Variants in ST3GAL3 observed in about 807,000 individuals in gnomAD.
ST3GAL3 encodes CMP-N-acetylneuraminate-beta-1,4-galactoside alpha-2,3-sialyltransferase.
Under a neutral mutation model 50.1 loss-of-function variants are expected in ST3GAL3, and 21 were observed. The ratio of observed to expected loss-of-function variants is 0.42; its 90% CI spans 0.30 to 0.60. ST3GAL3 has a LOEUF of 0.60. ST3GAL3 is among the 20% of genes least tolerant of loss of function. The pLI is 0.19. For synonymous variants in ST3GAL3, 183 were observed against 190.0 expected (o/e 0.96, Z 0.30); for missense variants, 353 against 489.4 (o/e 0.72, Z 2.63).
intron 2 of ST3GAL3, among the ~76,000 whole-genome samples, chr1:43,767,443 G>A (rs1323049883): frequency 6.6e-6 from 1 of 152,028 alleles, no homozygotes; most frequent in Non-Finnish European, 1.5e-5. Context: ...ACTTCATCAG[G>A]TAAATGAAGG....
At chr1:43,796,496 C>A (rs1444163313) in intron 3 of ST3GAL3, among the ~76,000 whole-genome samples, 1 of 152,128 alleles carries the variant, frequency 6.6e-6, no homozygotes, top group African/African-American at 2.4e-5. Flanking sequence ...TGCCCAAGTC[C>A]CAGACTGGAT....
intron 2 of ST3GAL3, among the ~76,000 whole-genome samples, chr1:43,776,246 C>T (rs1001318857): frequency 6.6e-6 from 1 of 152,306 alleles, no homozygotes; most frequent in East Asian, 1.9e-4. Flanking sequence ...AGGGCAACCA[C>T]TGATCTGCTT....
intron 4 of ST3GAL3, among the ~76,000 whole-genome samples, chr1:43,833,116 AACTAGACTG>A (rs1472584992): frequency 5.3e-5 from 8 of 152,188 alleles, no homozygotes; most frequent in African/African-American, 1.9e-4. Context: ...TGGTTCTAGA[AACTAGACTG>A]ATGGTTACAC....
chr1:43,744,652 CAAAA>C (rs1553270635), intron 2 of ST3GAL3, among the ~76,000 whole-genome samples: 103 of 44,248 alleles, frequency 2.3e-3, no homozygotes, highest in Non-Finnish European at 5.8e-3. Flanking sequence ...GACTCCCTCT[CAAAA>C]AATAAATAAA....
chr1:43,711,319 G>T (rs1445659801), intron 1 of ST3GAL3, among the ~76,000 whole-genome samples: 2 of 152,236 alleles, frequency 1.3e-5, no homozygotes, highest in Non-Finnish European at 2.9e-5. Context: ...TAAATGAAAA[G>T]ATAGTGGTCA....
At chr1:43,777,519 A>AATGGGGAATGATGCTGGGAGAACTGGC (rs1194080672) in intron 2 of ST3GAL3, among the ~76,000 whole-genome samples, 2 of 152,156 alleles carry the variant, frequency 1.3e-5, no homozygotes, top group Non-Finnish European at 2.9e-5. Flanking sequence ...CAAAACAAGC[A>AATGGGGAATGATGCTGGGAGAACTGGC]ATGGGGAATG....
chr1:43,918,841 T>G (rs7515061), intron 9 of ST3GAL3, among the ~76,000 whole-genome samples: 7,616 of 152,024 alleles, frequency 0.05, 617 homozygotes, highest in African/African-American at 0.17. Context: ...TCTTTCCTAT[T>G]TTTTAAGTCA....
At chr1:43,758,162 A>AC (rs747611095) in intron 2 of ST3GAL3, among the ~76,000 whole-genome samples, 2,922 of 87,256 alleles carry the variant, frequency 0.033, 68 homozygotes, top group East Asian at 0.24. Flanking sequence ...GCTGCATACC[A>AC]CCCCCCCCCC....
chr1:43,738,747 C>T (rs1289436135), intron 2 of ST3GAL3: 1 of 152,202 alleles, frequency 6.6e-6, no homozygotes, highest in Non-Finnish European at 1.5e-5. Context: ...GTCTGCTTGC[C>T]TTGGCTTCCC....
intron 2 of ST3GAL3, among the ~76,000 whole-genome samples, chr1:43,790,178 C>T (rs971952051): frequency 6.6e-6 from 1 of 152,186 alleles, no homozygotes; most frequent in Non-Finnish European, 1.5e-5. Context: ...ATTCATTTTT[C>T]TGTACATTGT....
intron 2 of ST3GAL3, among the ~76,000 whole-genome samples, chr1:43,780,545 C>G (rs979031624): frequency 6.6e-6 from 1 of 152,048 alleles, no homozygotes; most frequent in Non-Finnish European, 1.5e-5. Context: ...CTCCCATATT[C>G]AGAAGGCATG....
At chr1:43,801,943 C>T (rs764196963) in intron 3 of ST3GAL3, among the ~76,000 whole-genome samples, 18 of 152,008 alleles carry the variant, frequency 1.2e-4, no homozygotes, top group South Asian at 2.1e-4. Context: ...AAGAGTGGGA[C>T]GATCCGAGTT....
chr1:43,900,275 C>T (rs1323801641), intron 9 of ST3GAL3, among the ~76,000 whole-genome samples: 2 of 152,196 alleles, frequency 1.3e-5, no homozygotes, highest in African/African-American at 4.8e-5. Context: ...TGGCCTGTTT[C>T]CACTTTGTAC....
intron 2 of ST3GAL3, chr1:43,736,797 A>G (rs1374385066): frequency 3.5e-6 from 1 of 287,758 alleles, no homozygotes; most frequent in Non-Finnish European, 6.8e-6. Context: ...TTGAATTTTC[A>G]ACATAATATT....
intron 2 of ST3GAL3, chr1:43,738,445 A>C (rs1679403908): frequency 6.6e-6 from 1 of 152,012 alleles, no homozygotes; most frequent in Non-Finnish European, 1.5e-5. Flanking sequence ...AGAACAGAGT[A>C]ATAGGACCCA....
intron 2 of ST3GAL3, among the ~76,000 whole-genome samples, chr1:43,756,899 C>T (rs11587515): frequency 0.32 from 49,014 of 151,882 alleles, 8,216 homozygotes; most frequent in African/African-American, 0.41. Flanking sequence ...CTAAATCTCC[C>T]CAATGTGTTT....
intron 5 of ST3GAL3, among the ~76,000 whole-genome samples, chr1:43,876,515 A>G (rs2074147310): frequency 6.6e-6 from 1 of 152,224 alleles, no homozygotes; most frequent in Non-Finnish European, 1.5e-5. Flanking sequence ...ATCGTAAGGT[A>G]CTGTGGCAGG....
At chr1:43,789,070 A>G (rs75664528) in intron 2 of ST3GAL3, among the ~76,000 whole-genome samples, 2 of 152,208 alleles carry the variant, frequency 1.3e-5, no homozygotes, top group African/African-American at 4.8e-5. Flanking sequence ...AAATGAGGCA[A>G]ATGGTAAAGA....
intron 5 of ST3GAL3, among the ~76,000 whole-genome samples, chr1:43,856,234 G>T (rs576553307): frequency 6.6e-6 from 1 of 152,248 alleles, no homozygotes; most frequent in East Asian, 1.9e-4. Flanking sequence ...GGAAGTTTCA[G>T]TGTTTTTACA....
Sources: gnomAD v4.1 joint callset for allele counts (sites outside exome capture counted in the v4.1 genomes callset) on GRCh38, gnomAD v4.1.1 for gene constraint, MANE v1.5 for transcripts, NCBI Gene and HGNC (gene_info 2026-07-23, HGNC 2026-07-21) for gene names.